The following ESR1 variants were observed in gnomAD, a reference collection of about 807,000 sequenced individuals.
ESR1 encodes the protein estrogen receptor 1, also known as estrogen receptor.
In ESR1, 12 loss-of-function variants were observed where a neutral mutation model predicts 52.7. The observed-to-expected ratio is 0.23, with a 90% confidence interval of 0.15 to 0.37. The LOEUF (loss-of-function observed/expected upper bound fraction) is 0.37, where lower values mean the gene tolerates loss of function less well. Among genes scored for constraint, ESR1 ranks in the 10% least tolerant of loss-of-function variants. ESR1 has a pLI of 1.00. For missense variants in ESR1, 584 were observed against 779.7 expected, an observed-to-expected ratio of 0.75 and a Z score of 2.99; for synonymous variants, 305 against 316.8, an observed-to-expected ratio of 0.96 and a Z score of 0.39.
intron 2 of ESR1, among the ~76,000 whole-genome samples, chr6:151,748,018 A>G (rs1783608203): frequency 6.6e-6 from 1 of 152,028 alleles, no homozygotes; most frequent in African/African-American, 2.4e-5. Flanking sequence ...TTTCTGAGTC[A>G]TATGGTAACC....
intron 6 of ESR1, among the ~76,000 whole-genome samples, chr6:152,084,775 C>T (rs13192678): frequency 0.21 from 31,975 of 151,436 alleles, 4,754 homozygotes; most frequent in African/African-American, 0.41. Flanking sequence ...GTCTATTTCT[C>T]ACAAGTAGGA....
At chr6:151,906,050 G>T (rs768363620) in intron 3 of ESR1, among the ~76,000 whole-genome samples, 13 of 152,092 alleles carry the variant, frequency 8.5e-5, no homozygotes, top group Non-Finnish European at 1.5e-4. Context: ...TCAAAAAATT[G>T]CAACCTCGGC....
chr6:152,048,384 GTCAC>G (rs2046406420), intron 5 of ESR1, among the ~76,000 whole-genome samples: 1 of 136,994 alleles, frequency 7.3e-6, no homozygotes. Context: ...AAAAAAAAAA[GTCAC>G]TCACTCACAG....
chr6:151,971,637 C>T (rs2038922420), intron 4 of ESR1, among the ~76,000 whole-genome samples: 1 of 152,186 alleles, frequency 6.6e-6, no homozygotes, highest in Non-Finnish European at 1.5e-5. Flanking sequence ...TTACCAAAAC[C>T]TCTGGGATAC....
At chr6:152,090,999 G>C (rs1168045521) in intron 6 of ESR1, among the ~76,000 whole-genome samples, 2 of 152,222 alleles carry the variant, frequency 1.3e-5, no homozygotes, top group Non-Finnish European at 2.9e-5. Context: ...GCAATCTCCA[G>C]AGTTGCAAAA....
intron 2 of ESR1, among the ~76,000 whole-genome samples, chr6:151,770,220 T>C (rs1223920497): frequency 2.0e-5 from 3 of 152,160 alleles, no homozygotes; most frequent in African/African-American, 7.2e-5. Flanking sequence ...CTGGGATAAT[T>C]CACTTCAGCA....
intron 6 of ESR1, chr6:152,112,796 T>G (rs2051160589): frequency 6.6e-6 from 1 of 152,244 alleles, no homozygotes; most frequent in Non-Finnish European, 1.5e-5. Flanking sequence ...GCCAAGGGAT[T>G]TGCAGAACCT....
chr6:152,081,031 G>A (rs1016892014), intron 6 of ESR1, among the ~76,000 whole-genome samples: 2 of 152,104 alleles, frequency 1.3e-5, no homozygotes, highest in African/African-American at 4.8e-5. Context: ...ATGGGAGACT[G>A]GGAGACACCC....
At chr6:151,670,331 G>A (rs748965979) in intron 1 of ESR1, among the ~76,000 whole-genome samples, 3 of 152,086 alleles carry the variant, frequency 2.0e-5, no homozygotes, top group Non-Finnish European at 2.9e-5. Flanking sequence ...TACATTACCC[G>A]TTTTTCCATC....
intron 1 of ESR1, among the ~76,000 whole-genome samples, chr6:151,812,052 C>T (rs3778609): frequency 0.13 from 20,225 of 151,976 alleles, 2,645 homozygotes; most frequent in African/African-American, 0.32. Flanking sequence ...AGAATTTTGG[C>T]GGCTTGGGAT....
At chr6:151,944,594 G>T in intron 4 of ESR1, 86 bp downstream of exon 4, 1 of 1,217,950 alleles carries the variant, frequency 8.2e-7, no homozygotes, top group Non-Finnish European at 1.2e-6. Flanking sequence ...GGGGGAAAAA[G>T]AAGCAATAAC....
chr6:151,686,478 G>T (rs2115321946), upstream of ESR1, among the ~76,000 whole-genome samples: 1 of 152,310 alleles, frequency 6.6e-6, no homozygotes, highest in Non-Finnish European at 1.5e-5. Flanking sequence ...GAGGTCAGCA[G>T]ATCGAGACCA....
intron 2 of ESR1, among the ~76,000 whole-genome samples, chr6:151,764,574 G>C (rs1784905169): frequency 6.6e-6 from 1 of 152,182 alleles, no homozygotes; most frequent in African/African-American, 2.4e-5. Flanking sequence ...GATGGAAGAA[G>C]TGGAACAGGA....
chr6:151,724,516 G>T (rs995064907), intron 2 of ESR1, among the ~76,000 whole-genome samples: 5 of 152,066 alleles, frequency 3.3e-5, no homozygotes, highest in East Asian at 1.9e-4. Flanking sequence ...GACAGTCAAG[G>T]ATCACCGTAT....
chr6:152,066,420 A>T (rs1018577934), intron 6 of ESR1, among the ~76,000 whole-genome samples: 1 of 152,228 alleles, frequency 6.6e-6, no homozygotes, highest in Non-Finnish European at 1.5e-5. Context: ...ACTGAAAATC[A>T]TTAATTCTCA....
At chr6:151,932,466 C>T (rs558600272) in intron 3 of ESR1, among the ~76,000 whole-genome samples, 2,239 of 130,056 alleles carry the variant, frequency 0.017, 60 homozygotes, top group African/African-American at 0.065. Context: ...AATTAGATCC[C>T]ATTTGTCAAT....
chr6:151,892,589 CTTTTTT>C (rs774675899), intron 3 of ESR1, among the ~76,000 whole-genome samples: 1 of 121,774 alleles, frequency 8.2e-6, no homozygotes, highest in African/African-American at 3.0e-5. Context: ...GATAACTAAG[CTTTTTT>C]TTTTTTTTTT....
chr6:151,959,526 C>A (rs1174418175), intron 4 of ESR1, among the ~76,000 whole-genome samples: 1 of 152,094 alleles, frequency 6.6e-6, no homozygotes, highest in Non-Finnish European at 1.5e-5. Context: ...GTCCCCGTGC[C>A]AACGCTGTGC....
intron 3 of ESR1, among the ~76,000 whole-genome samples, chr6:151,910,250 A>T (rs1178613188): frequency 3.3e-5 from 5 of 152,062 alleles, no homozygotes; most frequent in African/African-American, 1.2e-4. Flanking sequence ...AATTTAAATT[A>T]AATTTAATTT....
Sources: gnomAD v4.1 joint callset for allele counts (sites outside exome capture counted in the v4.1 genomes callset) on GRCh38, gnomAD v4.1.1 for gene constraint, MANE v1.5 for transcripts, NCBI Gene and HGNC (gene_info 2026-07-23, HGNC 2026-07-21) for gene names.